Variants in SLC44A5 observed in about 807,000 individuals in gnomAD.
SLC44A5 encodes solute carrier family 44 member 5, also known as choline transporter-like protein 5.
In SLC44A5, 57 loss-of-function variants were observed where a neutral mutation model predicts 101.8. That is an observed-to-expected ratio of 0.56 (90% CI 0.45 to 0.70). The LOEUF (loss-of-function observed/expected upper bound fraction) is 0.70, where lower values mean the gene tolerates loss of function less well. Among genes scored for constraint, SLC44A5 ranks in the 30% least tolerant of loss-of-function variants. The pLI is 0.00. For missense variants in SLC44A5, 737 were observed against 853.1 expected, an observed-to-expected ratio of 0.86 and a Z score of 1.70; for synonymous variants, 281 against 290.9, an observed-to-expected ratio of 0.97 and a Z score of 0.35.
the SLC44A5 span, among the ~76,000 whole-genome samples, chr1:75,691,014 A>AG: frequency 1.3e-5 from 2 of 152,058 alleles, no homozygotes; most frequent in African/African-American, 4.8e-5. Context: ...AAACCCATAA[A>AG]GGTGGAGGCC....
intron 3 of SLC44A5, among the ~76,000 whole-genome samples, chr1:75,368,987 C>G (rs372041085): frequency 1.1e-4 from 17 of 150,054 alleles, no homozygotes; most frequent in East Asian, 1.0e-3. Context: ...CCAAAGAAAG[C>G]AAAAAGTGAT....
At chr1:75,284,131 G>A (rs1652847418) in intron 5 of SLC44A5, among the ~76,000 whole-genome samples, 1 of 152,038 alleles carries the variant, frequency 6.6e-6, no homozygotes, top group Non-Finnish European at 1.5e-5. Context: ...CCACCCATGG[G>A]CATGGTATGT....
At chr1:75,650,760 T>C in the SLC44A5 span, among the ~76,000 whole-genome samples, 9 of 151,946 alleles carry the variant, frequency 5.9e-5, no homozygotes, top group Admixed American at 5.9e-4. Flanking sequence ...ACTGGGACCA[T>C]AGGCATGTGC....
At chr1:75,458,016 T>C (rs1008011654) in intron 2 of SLC44A5, among the ~76,000 whole-genome samples, 6 of 152,200 alleles carry the variant, frequency 3.9e-5, no homozygotes, top group East Asian at 3.9e-4. Context: ...AAGTTTACAA[T>C]CTTGTAAATG....
At chr1:75,678,118 C>T in the SLC44A5 span, among the ~76,000 whole-genome samples, 5 of 152,126 alleles carry the variant, frequency 3.3e-5, no homozygotes, top group Non-Finnish European at 4.4e-5. Flanking sequence ...TCCTACCCCA[C>T]GGAGTCTCAC....
intron 4 of SLC44A5, among the ~76,000 whole-genome samples, chr1:75,307,991 C>A (rs1655035398): frequency 6.6e-6 from 1 of 152,030 alleles, no homozygotes; most frequent in Admixed American, 6.6e-5. Context: ...TTTTTAAGCG[C>A]CCTAAAAAAT....
chr1:75,518,123 G>A (rs1300792547), intron 2 of SLC44A5, among the ~76,000 whole-genome samples: 1 of 152,182 alleles, frequency 6.6e-6, no homozygotes, highest in Non-Finnish European at 1.5e-5. Context: ...GCTTCCACAT[G>A]TAAGCTTTTT....
At chr1:75,367,607 G>A (rs1220110789) in intron 3 of SLC44A5, among the ~76,000 whole-genome samples, 1 of 152,214 alleles carries the variant, frequency 6.6e-6, no homozygotes, top group African/African-American at 2.4e-5. Flanking sequence ...CAGCAGGCCT[G>A]TTACCTGAAG....
intron 2 of SLC44A5, among the ~76,000 whole-genome samples, chr1:75,481,233 T>A (rs906701202): frequency 6.6e-6 from 1 of 152,136 alleles, no homozygotes; most frequent in Non-Finnish European, 1.5e-5. Flanking sequence ...CCCTTCCTTA[T>A]GCCTTATACA....
chr1:75,644,425 T>C, the SLC44A5 span, among the ~76,000 whole-genome samples: 2 of 152,080 alleles, frequency 1.3e-5, no homozygotes, highest in African/African-American at 2.4e-5. Flanking sequence ...TTTGTCATAC[T>C]ATTGAATGAC....
the SLC44A5 span, among the ~76,000 whole-genome samples, chr1:75,634,294 T>C: frequency 6.6e-6 from 1 of 152,198 alleles, no homozygotes; most frequent in South Asian, 2.1e-4. Flanking sequence ...TCAGAAGGAA[T>C]GGTACCAGTT....
chr1:75,491,213 A>G (rs1234688228), intron 2 of SLC44A5, among the ~76,000 whole-genome samples: 1 of 152,122 alleles, frequency 6.6e-6, no homozygotes, highest in Non-Finnish European at 1.5e-5. Flanking sequence ...AGACACATGG[A>G]AAAGATAGAT....
chr1:75,714,242 A>T, the SLC44A5 span, among the ~76,000 whole-genome samples: 1 of 152,340 alleles, frequency 6.6e-6, no homozygotes, highest in South Asian at 2.1e-4. Context: ...CAAATCAGTA[A>T]ATGTGATTCA....
At chr1:75,232,768 T>C (rs1467132294) in intron 12 of SLC44A5, among the ~76,000 whole-genome samples, 1 of 152,178 alleles carries the variant, frequency 6.6e-6, no homozygotes, top group African/African-American at 2.4e-5. Flanking sequence ...ACCATTATTA[T>C]GCTGATATTA....
chr1:75,211,458 G>A lies in SLC44A5; in HGVS notation c.2047+10C>T, dbSNP rs1646851112. The A allele has an allele frequency of 6.2e-7, 1 of 1,604,082 alleles. No individual in the cohort carries two copies. Among genetic ancestry groups the A allele is most frequent in the Admixed American group, 1.7e-5 (1 of 59,832 alleles). On this transcript the variant is annotated intron_variant, in intron 23 of 23. Coordinates refer to ENST00000370859, the MANE Select transcript of SLC44A5 (RefSeq NM_001130058.2). The stretch of plus-strand genomic sequence containing the variant: ...ACCGAAGGGGGAAAACACACATACT[G>A]AATACTCACAGAAGCAGATGAAAAT...
At chr1:75,502,446 A>G (rs1026948317) in intron 2 of SLC44A5, among the ~76,000 whole-genome samples, 1 of 152,226 alleles carries the variant, frequency 6.6e-6, no homozygotes, top group Non-Finnish European at 1.5e-5. Context: ...TGAACTCACA[A>G]GAAATTAGTC....
chr1:75,657,614 A>G, the SLC44A5 span, among the ~76,000 whole-genome samples: 1 of 152,116 alleles, frequency 6.6e-6, no homozygotes, highest in South Asian at 2.1e-4. Flanking sequence ...TTAAAAAGCA[A>G]GAATAGCTAT....
rs934906220 is a variant in SLC44A5 at position 75,260,598 on chromosome 1, A to G, written c.261-9304T>C. On this transcript the variant is annotated intron_variant, in intron 6 of 23. Coordinates refer to ENST00000370859, the MANE Select transcript of SLC44A5 (RefSeq NM_001130058.2). ...TGGGAGACTTTAACACCCCACTGTC[A>G]ATAGTAAACAGATCAATGAGACAGA... Among the ~76,000 whole-genome samples the G allele has an allele frequency of 3.2e-4, 48 of 152,264 alleles. 1 individual carries two copies. Among genetic ancestry groups the G allele is most frequent in the African/African-American group, 9.2e-4 (38 of 41,516 alleles).
At chr1:75,574,738 A>T (rs1673271266) in intron 1 of SLC44A5, among the ~76,000 whole-genome samples, 1 of 152,188 alleles carries the variant, frequency 6.6e-6, no homozygotes, top group Non-Finnish European at 1.5e-5. Flanking sequence ...CAGTCATTAG[A>T]AGTATTAAGA....
Sources: allele counts gnomAD v4.1 joint callset (sites outside exome capture counted in the v4.1 genomes callset), GRCh38; gene constraint gnomAD v4.1.1; transcripts MANE v1.5; gene names NCBI Gene and HGNC (gene_info 2026-07-23, HGNC 2026-07-21).